The following NCEH1 variants were observed in gnomAD, a reference collection of about 807,000 sequenced individuals.
NCEH1 encodes 2-acetyl MAGE hydrolase.
In NCEH1, 9 loss-of-function variants were observed where a neutral mutation model predicts 25.4. The ratio of observed to expected loss-of-function variants is 0.35; its 90% confidence interval spans 0.21 to 0.62. NCEH1 has a LOEUF of 0.62. NCEH1 is among the 20% of genes least tolerant of loss of function. The pLI is 0.72. For missense variants in NCEH1, 412 were observed against 501.1 expected (o/e 0.82, Z 1.70); for synonymous variants, 200 against 199.8 (o/e 1.00, Z -0.01).
intron 1 of NCEH1, 91 bp from the exon 2 acceptor site, chr3:172,648,205 A>T: frequency 6.9e-7 from 1 of 1,449,622 alleles, no homozygotes; most frequent in Admixed American, 1.9e-5. Flanking sequence ...CTGAATTCCT[A>T]CAAGCAGCTG....
chr3:172,702,666 G>A (rs1467264960), intron 1 of NCEH1, among the ~76,000 whole-genome samples: 2 of 152,164 alleles, frequency 1.3e-5, no homozygotes, highest in Admixed American at 6.5e-5. Context: ...TTAGGCAGGC[G>A]ATATAGTCAG....
At chr3:172,635,689 T>A (rs1230348803) in intron 4 of NCEH1, among the ~76,000 whole-genome samples, 1 of 152,132 alleles carries the variant, frequency 6.6e-6, no homozygotes, top group Non-Finnish European at 1.5e-5. Context: ...CTGACTGTAA[T>A]CAGGGACTTT....
intron 1 of NCEH1, among the ~76,000 whole-genome samples, chr3:172,683,432 A>G (rs1225013625): frequency 6.6e-6 from 1 of 150,670 alleles, no homozygotes; most frequent in Non-Finnish European, 1.5e-5. Context: ...AAAAAAAAGA[A>G]GCGGAGGCAG....
chr3:172,694,207 C>A (rs1237084299), intron 1 of NCEH1, among the ~76,000 whole-genome samples: 1 of 152,148 alleles, frequency 6.6e-6, no homozygotes, highest in Admixed American at 6.6e-5. Flanking sequence ...AACTATAGAA[C>A]TAATAGGATT....
chr3:172,668,485 G>C (rs557742043), intron 1 of NCEH1, among the ~76,000 whole-genome samples: 4 of 150,276 alleles, frequency 2.7e-5, no homozygotes, highest in Non-Finnish European at 4.4e-5. Context: ...CTCCTGAGTA[G>C]CTGGGACTAC....
chr3:172,693,901 A>T (rs1560206725), intron 1 of NCEH1, among the ~76,000 whole-genome samples: 4 of 152,204 alleles, frequency 2.6e-5, no homozygotes, highest in South Asian at 2.1e-4. Flanking sequence ...TAATTTTTAA[A>T]TTTTTTATTT....
At chr3:172,639,519 C>A (rs571688352) in intron 3 of NCEH1, among the ~76,000 whole-genome samples, 6 of 152,176 alleles carry the variant, frequency 3.9e-5, no homozygotes, top group Non-Finnish European at 7.3e-5. Context: ...CTGCTCTCTG[C>A]TGCTGGTGCT....
intron 1 of NCEH1, among the ~76,000 whole-genome samples, chr3:172,664,067 A>C (rs1382040878): frequency 6.6e-6 from 1 of 152,130 alleles, no homozygotes; most frequent in East Asian, 1.9e-4. Context: ...TGGTCTTTAC[A>C]ATTTGGCATG....
chr3:172,677,651 C>CG (rs906603637), intron 1 of NCEH1, among the ~76,000 whole-genome samples: 22 of 49,684 alleles, frequency 4.4e-4, no homozygotes, highest in African/African-American at 6.0e-4. Flanking sequence ...GGGGGAGGGG[C>CG]GGGGGGGCGG....
chr3:172,648,384 G>C (rs934021004), intron 1 of NCEH1, among the ~76,000 whole-genome samples: 6 of 152,174 alleles, frequency 3.9e-5, no homozygotes, highest in African/African-American at 1.4e-4. Flanking sequence ...CATTGGATAA[G>C]TGGTAGTTCT....
intron 1 of NCEH1, among the ~76,000 whole-genome samples, chr3:172,689,251 C>CTTTTTTTTTTTTT (rs34888694): frequency 1.2e-5 from 1 of 80,920 alleles, no homozygotes; most frequent in Non-Finnish European, 2.3e-5. Context: ...CTTGGAGTAA[C>CTTTTTTTTTTTTT]TTTTTTTTTT....
At chr3:172,676,329 C>G (rs1416968765) in intron 1 of NCEH1, among the ~76,000 whole-genome samples, 1 of 152,130 alleles carries the variant, frequency 6.6e-6, no homozygotes, top group Non-Finnish European at 1.5e-5. Flanking sequence ...AAATGGTCCA[C>G]CCAATATGGC....
intron 1 of NCEH1, among the ~76,000 whole-genome samples, chr3:172,649,586 T>A (rs949896046): frequency 6.6e-6 from 1 of 152,254 alleles, no homozygotes; most frequent in Non-Finnish European, 1.5e-5. Context: ...ATTCTAACTA[T>A]CAACTTAAGT....
intron 1 of NCEH1, among the ~76,000 whole-genome samples, chr3:172,698,518 G>A (rs190653565): frequency 1.2e-4 from 18 of 152,270 alleles, no homozygotes; most frequent in African/African-American, 3.8e-4. Context: ...TTGAGTCTCA[G>A]GGCAGGGACA....
At chr3:172,674,657 C>T (rs903544189) in intron 1 of NCEH1, among the ~76,000 whole-genome samples, 37 of 152,118 alleles carry the variant, frequency 2.4e-4, no homozygotes, top group African/African-American at 8.4e-4. Flanking sequence ...AATGTTATAT[C>T]TTGGCAAGTA....
At chr3:172,645,117 C>T (rs145790566) in intron 3 of NCEH1, among the ~76,000 whole-genome samples, 1 of 151,940 alleles carries the variant, frequency 6.6e-6, no homozygotes, top group Non-Finnish European at 1.5e-5. Flanking sequence ...TCTTAGTTGC[C>T]CAGAAAAGTG....
At chr3:172,668,569 T>C (rs1718339689) in intron 1 of NCEH1, among the ~76,000 whole-genome samples, 1 of 151,912 alleles carries the variant, frequency 6.6e-6, no homozygotes, top group Non-Finnish European at 1.5e-5. Context: ...TCTCTCCGAC[T>C]GGAATATTAC....
chr3:172,636,185 A>T, intron 3 of NCEH1, 98 bp from the exon 4 acceptor site: 1 of 684,452 alleles, frequency 1.5e-6, no homozygotes, highest in Middle Eastern at 2.6e-4. Context: ...CTGGAAATAG[A>T]TAAGAAATTA....
chr3:172,668,348 A>AAT (rs1718320134), intron 1 of NCEH1, among the ~76,000 whole-genome samples: 2 of 78,976 alleles, frequency 2.5e-5, no homozygotes, highest in East Asian at 4.5e-4. Context: ...AAAAGGAAGC[A>AAT]TTTTTTTTTT....
Sources: gnomAD v4.1 joint callset for allele counts (sites outside exome capture counted in the v4.1 genomes callset) on GRCh38, gnomAD v4.1.1 for gene constraint, MANE v1.5 for transcripts, NCBI Gene and HGNC (gene_info 2026-07-23, HGNC 2026-07-21) for gene names.